Variants in UBR3 observed in about 807,000 individuals in gnomAD.
UBR3 encodes the protein ubiquitin protein ligase E3 component n-recognin 3, also known as E3 ubiquitin-protein ligase UBR3.
UBR3 carries 85 observed loss-of-function variants against 243.2 expected under a neutral mutation model. The ratio of observed to expected loss-of-function variants is 0.35; its 90% CI spans 0.29 to 0.42. The LOEUF is 0.42. UBR3 is among the 10% of genes least tolerant of loss of function. The probability of loss-of-function intolerance (pLI) is 1.00; values close to 1 mark genes in which losing one functional copy is unlikely to be tolerated. For missense variants in UBR3, 1,686 were observed against 2,300.8 expected (o/e 0.73, Z 5.47); for synonymous variants, 748 against 799.8 (o/e 0.94, Z 1.09).
chr2:170,038,568 G>A lies in UBR3; in HGVS notation c.4557-2314G>A, dbSNP rs572979639. Among the ~76,000 whole-genome samples the A allele has an allele frequency of 2.2e-4, 34 of 152,290 alleles. No individual in the cohort carries two copies. In the South Asian group the frequency reaches 6.6e-3, roughly 30 times the overall value. On this transcript the variant is annotated intron_variant, in intron 31 of 38. Coordinates refer to ENST00000272793, the MANE Select transcript of UBR3 (RefSeq NM_172070.4). ...GGAGATTGAATACTTAAAGGCAGTG[G>A]CCATAGGGATGGCAAAGAGGAAGTA...
chr2:170,024,264 G>C (rs1039137855), intron 30 of UBR3, among the ~76,000 whole-genome samples: 2 of 143,952 alleles, frequency 1.4e-5, no homozygotes, highest in African/African-American at 5.2e-5. Flanking sequence ...TGAGGCAGGA[G>C]AATTGCTTGA....
chr2:170,037,533 G>A (rs61422367), intron 31 of UBR3, among the ~76,000 whole-genome samples: 1 of 151,954 alleles, frequency 6.6e-6, no homozygotes, highest in African/African-American at 2.4e-5. Context: ...GACCACAGGT[G>A]CACGCCACCA....
chr2:170,081,057 G>T (rs2091896494), intron 38 of UBR3, among the ~76,000 whole-genome samples: 1 of 152,154 alleles, frequency 6.6e-6, no homozygotes, highest in East Asian at 1.9e-4. Flanking sequence ...GCCAGGTGTG[G>T]TGGTCATACA....
chr2:170,057,602 A>G (rs1256947050), intron 33 of UBR3, among the ~76,000 whole-genome samples: 1 of 152,186 alleles, frequency 6.6e-6, no homozygotes, highest in East Asian at 1.9e-4. Context: ...TGCTGATAAA[A>G]TTTGGGTCTA....
intron 10 of UBR3, among the ~76,000 whole-genome samples, chr2:169,907,005 T>C (rs1011913605): frequency 1.7e-4 from 26 of 151,880 alleles, no homozygotes; most frequent in African/African-American, 6.0e-4. Flanking sequence ...CTTACAGCCT[T>C]GTTACAATCT....
chr2:169,878,356 C>T (rs1360386774), intron 4 of UBR3, among the ~76,000 whole-genome samples, 169 bp from the exon 5 acceptor site: 5 of 124,424 alleles, frequency 4.0e-5, no homozygotes, highest in Non-Finnish European at 5.6e-5. Flanking sequence ...GCGAGAATCC[C>T]GTCTCAAAAA....
rs759897998 is a variant in UBR3, at chr2:170,055,597, C to G, written c.4785+13C>G. 2.5e-6 allele frequency: 4 copies of G among 1,611,498 alleles called. No homozygotes were observed. Among genetic ancestry groups the G allele is most frequent in the Admixed American group, 1.7e-5 (1 of 59,866 alleles). On this transcript the variant is annotated intron_variant, in intron 33 of 38. Transcript: ENST00000272793. Reference sequence around the variant, plus strand: ...AGCTCTCAAAAAGGTTAGGCTCTTTCTAAATTTGTCATTTAGCAGGTAGGT... The same window carrying G: ...AGCTCTCAAAAAGGTTAGGCTCTTTGTAAATTTGTCATTTAGCAGGTAGGT...
rs1238417103 is a variant in UBR3 at position 169,958,647 on chromosome 2, T to A, written c.3634+121T>A. 3.7e-6 allele frequency: 3 copies of A among 801,992 alleles called. No homozygotes were observed. In the Admixed American group the frequency reaches 9.4e-5, roughly 25 times the overall value. The allele number at this position is 801,992 out of a possible 1,614,324, so 49.7% of individuals were successfully genotyped here. A position where few individuals can be genotyped will look rare whatever the true frequency, so the allele number is the denominator to read the frequency against. On this transcript the variant is annotated intron_variant, in intron 24 of 38. Transcript: ENST00000272793. ...CTTTTGATTTCTAGTGTTTATTTGGTCCTTAAACAATATAGTGATGGAAGA... is the reference window on the plus strand; with the variant it reads ...CTTTTGATTTCTAGTGTTTATTTGGACCTTAAACAATATAGTGATGGAAGA...
chr2:169,905,885 T>C, intron 9 of UBR3, 146 bp from the exon 10 acceptor site: 1 of 834,028 alleles, frequency 1.2e-6, no homozygotes, highest in Non-Finnish European at 1.7e-6. Flanking sequence ...GTTTCATTTT[T>C]AGTAATTTAC....
rs571768577 is a variant in UBR3, at chr2:169,988,026, T to A, written c.3784+1232T>A. Among the ~76,000 whole-genome samples the A allele has an allele frequency of 3.9e-5, 6 of 152,348 alleles. No individual in the cohort carries two copies. In the South Asian group the frequency reaches 8.3e-4, roughly 21 times the overall value. On this transcript the variant is annotated intron_variant, in intron 25 of 38. Transcript: ENST00000272793. ...GTTACTCTTCTTGCCTAAAATGAAT[T>A]GATTTGGGAAATCTTGATTTAGTGG...
intron 24 of UBR3, among the ~76,000 whole-genome samples, chr2:169,970,082 C>G (rs2088035691): frequency 6.8e-6 from 1 of 148,054 alleles, no homozygotes; most frequent in Non-Finnish European, 1.5e-5. Flanking sequence ...TTGTGTAGAT[C>G]ACTTTTGGTA....
At chr2:169,881,929 A>G (rs1264491046) in intron 5 of UBR3, among the ~76,000 whole-genome samples, 2 of 88,320 alleles carry the variant, frequency 2.3e-5, no homozygotes, top group African/African-American at 3.3e-5. Flanking sequence ...ATACATGTAT[A>G]CATATAATAT....
At chr2:169,917,283 C>T (rs139379884) in intron 11 of UBR3, among the ~76,000 whole-genome samples, 10 of 152,294 alleles carry the variant, frequency 6.6e-5, no homozygotes, top group East Asian at 1.9e-4. Flanking sequence ...CCAGCCTTCA[C>T]GGAGCACCAT....
In UBR3 at chr2:169,895,170, T is replaced by C; in HGVS notation, c.1106-11T>C. 4 of 1,495,392 alleles carry C rather than the reference T, an allele frequency of 2.7e-6. No individual in the cohort carries two copies. Among genetic ancestry groups the C allele is most frequent in the Non-Finnish European group, 3.5e-6 (4 of 1,127,880 alleles). 92.6% of individuals were successfully genotyped at this position (1,495,392 alleles called of 1,614,324 possible). On this transcript the variant is annotated splice_polypyrimidine_tract_variant and intron_variant, in intron 6 of 38. Coordinates refer to ENST00000272793, the MANE Select transcript of UBR3 (RefSeq NM_172070.4). ...AATCATTAACTGATAAATTTCATTTTTCATGTGCAGATCAATCCATAATGG... is the reference window on the plus strand; with the variant it reads ...AATCATTAACTGATAAATTTCATTTCTCATGTGCAGATCAATCCATAATGG...
rs149720301 is a variant in UBR3 at position 170,074,132 on chromosome 2, G to T, written c.5199+525G>T. 3.9e-4 allele frequency among the ~76,000 whole-genome samples: 60 copies of T among 152,220 alleles called. No homozygotes were observed. In the East Asian group the frequency reaches 0.012, roughly 29 times the overall value. ...TCTAGAACTACAGTTTTTTAAAATT[G>T]AATAATGTGATGAAAGTAGTATTTT... On this transcript the variant is annotated intron_variant, in intron 36 of 38. Transcript: ENST00000272793.
chr2:169,966,934 TA>T (rs1344708341), intron 24 of UBR3, among the ~76,000 whole-genome samples: 1 of 152,172 alleles, frequency 6.6e-6, no homozygotes, highest in Admixed American at 6.5e-5. Flanking sequence ...GTTTTTCCTC[TA>T]TTTTTGGTCT....
In UBR3 at chr2:170,040,750, GT is replaced by G. The variant is rs201896790; in HGVS notation, c.4557-123del. 1.1e-4 allele frequency: 79 copies of G among 747,592 alleles called. 1 individual carries two copies. The highest frequency in any genetic ancestry group is 1.3e-4 in the South Asian group (5 of 37,562). The allele number at this position is 747,592 out of a possible 1,614,324, so 46.3% of individuals were successfully genotyped here. A position where few individuals can be genotyped will look rare whatever the true frequency, so the allele number is the denominator to read the frequency against. On this transcript the variant is annotated intron_variant, in intron 31 of 38. Coordinates refer to ENST00000272793, the MANE Select transcript of UBR3 (RefSeq NM_172070.4). The stretch of plus-strand genomic sequence containing the variant: ...TTTTGCAAAAAATATGACTCCTAAG[GT>G]TTTTTTTTACATTTCTTCTTTGTGT...
chr2:169,908,006 A>G (rs2085085878), intron 10 of UBR3, among the ~76,000 whole-genome samples: 1 of 152,160 alleles, frequency 6.6e-6, no homozygotes, highest in Non-Finnish European at 1.5e-5. Context: ...TCCTGACCTC[A>G]GGTGATCTGC....
rs1558998127 is a variant in UBR3, at chr2:169,835,995, C to CTT, written c.545+7944_545+7945insTT. Among the ~76,000 whole-genome samples, 66 of 33,804 alleles carry CTT rather than the reference C, an allele frequency of 2.0e-3. 3 individuals carry two copies. The highest frequency in any genetic ancestry group is 0.011 in the African/African-American group (37 of 3,226). 22.2% of individuals were successfully genotyped at this position (33,804 alleles called of 152,430 possible). On this transcript the variant is annotated intron_variant, in intron 1 of 38. Transcript: ENST00000272793. The stretch of plus-strand genomic sequence containing the variant: ...TTCCTGAAATTCCTGTGTGCACTGT[C>CTT]TCTCTCTCTCTCTCTCTCTCTCTCT...
Sources: gnomAD v4.1 joint callset for allele counts (sites outside exome capture counted in the v4.1 genomes callset) on GRCh38, gnomAD v4.1.1 for gene constraint, MANE v1.5 for transcripts, NCBI Gene and HGNC (gene_info 2026-07-23, HGNC 2026-07-21) for gene names.